CWH43: variants seen among roughly 807,000 people sequenced by gnomAD.
CWH43 encodes PGAP2-interacting protein.
Under a neutral mutation model 85.7 loss-of-function variants are expected in CWH43, and 91 were observed. The observed-to-expected ratio is 1.06, with a 90% confidence interval of 0.90 to 1.26. CWH43 has a LOEUF of 1.26. CWH43 is among the 50% of genes most tolerant of loss of function. The pLI, the probability that CWH43 is intolerant of heterozygous loss-of-function variation, is 0.00. For synonymous variants in CWH43, 323 were observed against 293.6 expected (o/e 1.10, Z -1.02); for missense variants, 869 against 839.2 (o/e 1.04, Z -0.44).
chr4:49,016,668 T>A (rs1176157051), intron 8 of CWH43: 1 of 761,388 alleles, frequency 1.3e-6, no homozygotes, highest in Non-Finnish European at 2.5e-6. Flanking sequence ...GGGCAGTTAC[T>A]GGGCTTCTGG....
At chr4:49,045,776 G>A (rs1220442112) in intron 14 of CWH43, among the ~76,000 whole-genome samples, 1 of 151,740 alleles carries the variant, frequency 6.6e-6, no homozygotes, top group Non-Finnish European at 1.5e-5. Flanking sequence ...CATTTATTGG[G>A]GGGGTACAAT....
intron 8 of CWH43, chr4:49,016,720 G>T (rs966852628): frequency 5.2e-6 from 4 of 775,370 alleles, no homozygotes; most frequent in African/African-American, 1.7e-5. Flanking sequence ...ACCTTTGCCT[G>T]CTCGAAAACA....
intron 13 of CWH43, 26 bp from the exon 14 acceptor site, chr4:49,044,760 A>G: frequency 1.3e-6 from 2 of 1,595,744 alleles, no homozygotes; most frequent in East Asian, 2.2e-5. Context: ...TATGCTTTAA[A>G]CATTCTCCTC....
At chr4:49,022,315 TTTTG>T in intron 9 of CWH43, among the ~76,000 whole-genome samples, 1 of 152,316 alleles carries the variant, frequency 6.6e-6, no homozygotes. Context: ...ATCATGTGAT[TTTTG>T]TTTTAAATTC....
chr4:49,039,346 TATACTG>T (rs1407726121), intron 13 of CWH43, among the ~76,000 whole-genome samples: 2 of 99,690 alleles, frequency 2.0e-5, no homozygotes, highest in Admixed American at 1.3e-4. Context: ...GATGTATATA[TATACTG>T]ATATATATAT....
intron 1 of CWH43, chr4:48,986,774 C>G: frequency 8.1e-7 from 1 of 1,241,674 alleles, no homozygotes; most frequent in South Asian, 2.4e-5. Flanking sequence ...CGGCCTTGAC[C>G]CCGCGCGGCC....
intron 9 of CWH43, among the ~76,000 whole-genome samples, chr4:49,019,861 T>C (rs927168962): frequency 6.6e-6 from 1 of 152,166 alleles, no homozygotes; most frequent in African/African-American, 2.4e-5. Flanking sequence ...ATTACAGACG[T>C]GAGCCACCGC....
intron 7 of CWH43, among the ~76,000 whole-genome samples, chr4:49,004,390 T>C (rs1462731587): frequency 2.0e-5 from 3 of 152,022 alleles, no homozygotes; most frequent in African/African-American, 7.2e-5. Flanking sequence ...TTTTTTGGGG[T>C]TCCCCTGAAT....
chr4:49,018,873 C>G (rs913582493), intron 9 of CWH43, among the ~76,000 whole-genome samples: 2 of 152,150 alleles, frequency 1.3e-5, no homozygotes, highest in African/African-American at 2.4e-5. Context: ...GTATTCAGAA[C>G]TAAGTAACTA....
At position 48,994,725 on chromosome 4, in the gene CWH43, GTT is replaced by G; in HGVS notation, c.619_620del (p.Phe207ProfsTer28). The G allele has an allele frequency of 7.4e-6, 12 of 1,614,208 alleles. No homozygotes were observed. Among genetic ancestry groups the G allele is most frequent in the Non-Finnish European group, 1.0e-5 (12 of 1,180,048 alleles). ...LAGAAFGSLV[F>X]LTHWVFGEVS... ...CAGGGGCTGCTTTTGGTAGCCTTGT[GTT>G]CCTCACCCACTGGGTTTTTGGAGAA... On this transcript the variant is annotated frameshift_variant, in exon 5 of 16. Transcript: ENST00000226432. LOFTEE classifies it high-confidence loss of function.
chr4:49,021,888 G>T (rs1215786376), intron 9 of CWH43, among the ~76,000 whole-genome samples: 1 of 152,016 alleles, frequency 6.6e-6, no homozygotes, highest in Non-Finnish European at 1.5e-5. Flanking sequence ...CTATTAATTT[G>T]TGTACACTAA....
chr4:49,038,252 AC>A, intron 13 of CWH43, 72 bp downstream of exon 13: 2 of 1,325,234 alleles, frequency 1.5e-6, no homozygotes, highest in Non-Finnish European at 2.0e-6. Context: ...TTTTAAAAAA[AC>A]CAACCTCACC....
Position 48,991,610 on chromosome 4 carries a change from A to G in CWH43, c.356+36A>G, listed in dbSNP as rs780502683. On this transcript the variant is annotated intron_variant, in intron 3 of 15. Transcript: ENST00000226432. ...TGTTTCATGTACTTATAGACAAACAAGTATAACCAGTTACCAAAGGGAAAC... is the reference window on the plus strand; with the variant it reads ...TGTTTCATGTACTTATAGACAAACAGGTATAACCAGTTACCAAAGGGAAAC... 3.7e-6 allele frequency: 6 copies of G among 1,603,032 alleles called. No homozygotes were observed. In the Middle Eastern group the frequency reaches 5.0e-4, roughly 133 times the overall value.
At chr4:48,999,600 A>C (rs1782925688) in intron 6 of CWH43, among the ~76,000 whole-genome samples, 2 of 152,330 alleles carry the variant, frequency 1.3e-5, no homozygotes, top group South Asian at 4.1e-4. Flanking sequence ...CACCTGATGG[A>C]TACAGTGAAC....
intron 9 of CWH43, among the ~76,000 whole-genome samples, chr4:49,024,812 C>T (rs909554161): frequency 3.3e-5 from 5 of 151,932 alleles, no homozygotes; most frequent in African/African-American, 4.8e-5. Context: ...TTTTAGATAA[C>T]CTGATGACTA....
chr4:49,033,415 G>T (rs190980441), intron 12 of CWH43, among the ~76,000 whole-genome samples: 2 of 152,218 alleles, frequency 1.3e-5, no homozygotes, highest in East Asian at 1.9e-4. Flanking sequence ...CCCCCTAAAT[G>T]GTGGGCCTAC....
chr4:49,023,258 G>A lies in CWH43; in HGVS notation c.1267-5371G>A, dbSNP rs148223049. On this transcript the variant is annotated intron_variant, in intron 9 of 15. Transcript: ENST00000226432. ...TGTCACTATTATCATTCAGTTCAAA[G>A]AATTTTTAAATTTCCATCTGATTTC... Among the ~76,000 whole-genome samples, 1,463 of 152,260 alleles carry A rather than the reference G, an allele frequency of 9.6e-3. 17 individuals are homozygous for A. Among genetic ancestry groups the A allele is most frequent in the African/African-American group, 0.029 (1,217 of 41,558 alleles).
chr4:49,039,496 T>C (rs1337622015), intron 13 of CWH43, among the ~76,000 whole-genome samples: 2 of 147,658 alleles, frequency 1.4e-5, no homozygotes, highest in East Asian at 4.0e-4. Flanking sequence ...ATGATTGTTA[T>C]GTTTAGTTAT....
chr4:48,988,378 G>A, intron 1 of CWH43, 99 bp from the exon 2 acceptor site: 1 of 884,838 alleles, frequency 1.1e-6, no homozygotes, highest in Non-Finnish European at 1.7e-6. Flanking sequence ...TCATGAAGAA[G>A]AATGACCAGC....
Sources: gnomAD v4.1 joint callset for allele counts (sites outside exome capture counted in the v4.1 genomes callset) on GRCh38, gnomAD v4.1.1 for gene constraint, MANE v1.5 for transcripts, NCBI Gene and HGNC (gene_info 2026-07-23, HGNC 2026-07-21) for gene names.